CDKAL1: variants seen among roughly 807,000 people sequenced by gnomAD.
CDKAL1 encodes the protein threonylcarbamoyladenosine tRNA methylthiotransferase.
In CDKAL1, 32 loss-of-function variants were observed where a neutral mutation model predicts 68.2. That is an observed-to-expected ratio of 0.47 (90% confidence interval 0.35 to 0.63). The LOEUF is 0.63. Ranked by LOEUF, CDKAL1 falls within the 30% of genes least tolerant of loss-of-function variation. CDKAL1 has a pLI of 0.00. For missense variants in CDKAL1, 606 were observed against 696.7 expected, an observed-to-expected ratio of 0.87 and a Z score of 1.47; for synonymous variants, 234 against 244.3, an observed-to-expected ratio of 0.96 and a Z score of 0.39.
At chr6:20,945,163 G>T (rs1764177241) in intron 9 of CDKAL1, among the ~76,000 whole-genome samples, 2 of 151,634 alleles carry the variant, frequency 1.3e-5, no homozygotes, top group African/African-American at 2.4e-5. Flanking sequence ...GGCACATAAG[G>T]CTATTTTAAC....
At chr6:20,858,792 AATGTAATGT>A (rs548174256) in intron 9 of CDKAL1, among the ~76,000 whole-genome samples, 17 of 152,302 alleles carry the variant, frequency 1.1e-4, no homozygotes, top group African/African-American at 4.1e-4. Flanking sequence ...ATTTTTAAGA[AATGTAATGT>A]ATGTAATGTA....
intron 8 of CDKAL1, among the ~76,000 whole-genome samples, chr6:20,845,363 T>A (rs1778338730): frequency 6.6e-6 from 1 of 152,132 alleles, no homozygotes; most frequent in Non-Finnish European, 1.5e-5. Context: ...ATTTTAATAT[T>A]ATAAGAGTAG....
intron 9 of CDKAL1, among the ~76,000 whole-genome samples, chr6:20,870,555 G>T (rs1760158539): frequency 6.6e-6 from 1 of 152,116 alleles, no homozygotes; most frequent in South Asian, 2.1e-4. Context: ...CTTCTTTCCT[G>T]ACGTTTACTT....
At chr6:20,760,283 A>C (rs1017158317) in intron 7 of CDKAL1, among the ~76,000 whole-genome samples, 6 of 152,154 alleles carry the variant, frequency 3.9e-5, no homozygotes, top group Admixed American at 6.6e-5. Flanking sequence ...CTTGGCCCTT[A>C]ATCTTCTTTT....
At chr6:20,551,633 G>A (rs1479121479) in intron 4 of CDKAL1, among the ~76,000 whole-genome samples, 1 of 152,106 alleles carries the variant, frequency 6.6e-6, no homozygotes. Context: ...GCCTCCCCAA[G>A]TGCTAGGATT....
chr6:20,903,075 T>C (rs1762077924), intron 9 of CDKAL1, among the ~76,000 whole-genome samples: 2 of 152,120 alleles, frequency 1.3e-5, no homozygotes, highest in African/African-American at 4.8e-5. Context: ...AATCAAATTG[T>C]TTTTAGCATA....
intron 9 of CDKAL1, among the ~76,000 whole-genome samples, chr6:20,908,721 A>C (rs1762336995): frequency 6.6e-6 from 1 of 152,246 alleles, no homozygotes; most frequent in African/African-American, 2.4e-5. Flanking sequence ...ATCCTAAGTA[A>C]TAATCTTCTA....
At chr6:21,125,603 G>T (rs1228730386) in intron 13 of CDKAL1, among the ~76,000 whole-genome samples, 2 of 152,162 alleles carry the variant, frequency 1.3e-5, no homozygotes, top group Non-Finnish European at 1.5e-5. Context: ...ACCCGGCGGG[G>T]GTGGGGCGGA....
intron 4 of CDKAL1, among the ~76,000 whole-genome samples, chr6:20,632,380 C>T (rs1767710879): frequency 6.6e-6 from 1 of 152,164 alleles, no homozygotes; most frequent in Admixed American, 6.5e-5. Context: ...GACACATGGG[C>T]TCTACTGAAT....
At chr6:21,196,924 G>A (rs1489450260) in intron 13 of CDKAL1, among the ~76,000 whole-genome samples, 5 of 152,086 alleles carry the variant, frequency 3.3e-5, no homozygotes, top group East Asian at 1.9e-4. Context: ...TTGGGATGCC[G>A]AGGCAGGCGG....
intron 12 of CDKAL1, among the ~76,000 whole-genome samples, chr6:21,085,568 T>A (rs1301492699): frequency 6.6e-6 from 1 of 152,170 alleles, no homozygotes; most frequent in African/African-American, 2.4e-5. Context: ...AAGCTGAGCT[T>A]TTCACTACAT....
chr6:20,661,321 A>G (rs1402832926), intron 5 of CDKAL1, among the ~76,000 whole-genome samples: 2 of 152,024 alleles, frequency 1.3e-5, no homozygotes, highest in African/African-American at 4.8e-5. Context: ...TTTTTTCCTC[A>G]TGAGTTTGTT....
chr6:20,554,021 T>C (rs549181401), intron 4 of CDKAL1, among the ~76,000 whole-genome samples: 4 of 152,180 alleles, frequency 2.6e-5, no homozygotes, highest in Admixed American at 1.3e-4. Context: ...GGTTTTGCCA[T>C]GTTGGCCAGA....
At chr6:21,229,898 G>A (rs949274752) in intron 15 of CDKAL1, among the ~76,000 whole-genome samples, 12 of 152,200 alleles carry the variant, frequency 7.9e-5, no homozygotes, top group African/African-American at 2.4e-4. Context: ...AGAAGCCGGT[G>A]AACAGAAACC....
chr6:20,802,368 G>A (rs1477793189), intron 8 of CDKAL1, among the ~76,000 whole-genome samples: 1 of 150,090 alleles, frequency 6.7e-6, no homozygotes, highest in East Asian at 2.0e-4. Flanking sequence ...TTTTTCTTTA[G>A]CAAATCATTT....
chr6:20,571,864 T>C (rs760855671), intron 4 of CDKAL1, among the ~76,000 whole-genome samples: 3 of 152,100 alleles, frequency 2.0e-5, no homozygotes, highest in Non-Finnish European at 2.9e-5. Context: ...TTAAAAAAAA[T>C]TTTTGGTAGA....
rs555740129 is a variant in CDKAL1, at chr6:20,715,599, A to T, written c.372-23920A>T. ...AAGGTAGATTGCTGGGTCATATGGT[A>T]GTTCTATTTTTAATTTCTGTGGGCA... On this transcript the variant is annotated intron_variant, in intron 5 of 15. Transcript: ENST00000274695. Among the ~76,000 whole-genome samples the T allele has an allele frequency of 2.0e-5, 3 of 152,236 alleles. No homozygotes were observed. In the South Asian group the frequency reaches 6.2e-4, roughly 32 times the overall value.
chr6:20,970,086 G>A (rs1278244611), intron 10 of CDKAL1, among the ~76,000 whole-genome samples: 1 of 152,164 alleles, frequency 6.6e-6, no homozygotes, highest in East Asian at 1.9e-4. Flanking sequence ...GTTAGTGCCA[G>A]GTCAGGTTAA....
chr6:20,846,199 A>T (rs761722084), intron 9 of CDKAL1, 21 bp downstream of exon 9: 2 of 1,403,038 alleles, frequency 1.4e-6, no homozygotes, highest in Admixed American at 1.7e-5. Flanking sequence ...CTAGAATTAT[A>T]TGTGAAATTA....
Sources: gnomAD v4.1 joint callset for allele counts (sites outside exome capture counted in the v4.1 genomes callset) on GRCh38, gnomAD v4.1.1 for gene constraint, MANE v1.5 for transcripts, NCBI Gene and HGNC (gene_info 2026-07-23, HGNC 2026-07-21) for gene names.